The following CDCA2 variants were observed in gnomAD, a reference collection of about 807,000 sequenced individuals.
The protein encoded by CDCA2 is cell division cycle-associated protein 2.
Under a neutral mutation model 67.0 loss-of-function variants are expected in CDCA2, and 44 were observed. That is an observed-to-expected ratio of 0.66 (90% CI 0.52 to 0.84). The LOEUF (loss-of-function observed/expected upper bound fraction) is 0.84, where lower values mean the gene tolerates loss of function less well. Among genes scored for constraint, CDCA2 ranks in the 40% least tolerant of loss-of-function variants. The pLI is 0.00. For synonymous variants in CDCA2, 447 were observed against 418.7 expected, an observed-to-expected ratio of 1.07 and a Z score of -0.82; for missense variants, 1,253 against 1,203.2, an observed-to-expected ratio of 1.04 and a Z score of -0.61.
intron 10 of CDCA2, among the ~76,000 whole-genome samples, chr8:25,484,523 A>T (rs971604642): frequency 6.6e-6 from 1 of 152,050 alleles, no homozygotes; most frequent in African/African-American, 2.4e-5. Context: ...CATTATCCCT[A>T]TATCAACTTA....
intron 7 of CDCA2, among the ~76,000 whole-genome samples, chr8:25,473,986 A>G (rs766097069): frequency 1.3e-4 from 20 of 152,230 alleles, no homozygotes; most frequent in Admixed American, 5.9e-4. Flanking sequence ...GTTTCTGGGC[A>G]GAGGGCCAAA....
At chr8:25,471,393 C>T (rs943445203) in intron 7 of CDCA2, among the ~76,000 whole-genome samples, 7 of 140,654 alleles carry the variant, frequency 5.0e-5, no homozygotes, top group Non-Finnish European at 6.3e-5. Context: ...GACAGAGTCT[C>T]GCTCTGTTGA....
intron 13 of CDCA2, among the ~76,000 whole-genome samples, chr8:25,495,571 C>G (rs762877818): frequency 6.6e-6 from 1 of 152,084 alleles, no homozygotes; most frequent in Non-Finnish European, 1.5e-5. Flanking sequence ...CCTGCCACCA[C>G]GCCCGGCTAA....
chr8:25,469,957 C>T lies in CDCA2; in HGVS notation c.797C>T (p.Ser266Leu), dbSNP rs904669969. 3.7e-6 allele frequency: 6 copies of T among 1,609,314 alleles called. No homozygotes were observed. Among genetic ancestry groups the T allele is most frequent in the Non-Finnish European group, 5.1e-6 (6 of 1,176,440 alleles). Reference sequence around the variant, plus strand: ...TTAGTTGAAGAGTCTCTTCCCCTTTCAGAGCTCACAGAGACTTCAAATGGT... The same window carrying T: ...TTAGTTGAAGAGTCTCTTCCCCTTTTAGAGCTCACAGAGACTTCAAATGGT... ...GFLVEESLPL[S>L]ELTETSNALK... is the part of the protein sequence containing the mutation. Residue 266 changes from serine to leucine, a missense_variant, in exon 7 of 15, where the codon TCA becomes TTA. Physicochemically the swap from Ser to Leu is moderately radical, Grantham distance 145. Coordinates refer to ENST00000330560, the MANE Select transcript of CDCA2 (RefSeq NM_152562.4).
intron 14 of CDCA2, 65 bp downstream of exon 14, chr8:25,503,609 TACTTTTTTC>T (rs1462314303): frequency 6.7e-7 from 1 of 1,501,202 alleles, no homozygotes; most frequent in Non-Finnish European, 9.0e-7. Flanking sequence ...GTTGCTATTT[TACTTTTTTC>T]ACTTTTTTCC....
At chr8:25,494,552 A>G (rs1193800332) in intron 13 of CDCA2, among the ~76,000 whole-genome samples, 1 of 152,118 alleles carries the variant, frequency 6.6e-6, no homozygotes, top group Non-Finnish European at 1.5e-5. Flanking sequence ...GTATCTGCAG[A>G]TTTTTGGTAT....
intron 4 of CDCA2, among the ~76,000 whole-genome samples, chr8:25,465,076 C>T (rs1486610710): frequency 2.0e-5 from 3 of 152,248 alleles, no homozygotes; most frequent in African/African-American, 4.8e-5. Context: ...CAGGTTCAAG[C>T]GATTCTCCCA....
At position 25,481,734 on chromosome 8, in the gene CDCA2, C is replaced by T. The variant is rs568911621; in HGVS notation, c.1032+1610C>T. On this transcript the variant is annotated intron_variant, in intron 8 of 14. Coordinates refer to ENST00000330560, the MANE Select transcript of CDCA2 (RefSeq NM_152562.4). The stretch of plus-strand genomic sequence containing the variant: ...ACATTTACAACTAATGATCTTTATA[C>T]TAAGATGGCAAAAATTAGGAGGCAT... Among the ~76,000 whole-genome samples the T allele has an allele frequency of 7.2e-5, 11 of 152,210 alleles. No homozygotes were observed. In the South Asian group the frequency reaches 2.3e-3, roughly 32 times the overall value.
chr8:25,506,827 C>T lies in CDCA2; in HGVS notation c.2161C>T (p.Arg721Cys), dbSNP rs73550864. 3.7e-4 allele frequency: 598 copies of T among 1,613,986 alleles called. 2 individuals carry two copies. The highest frequency in any genetic ancestry group is 3.3e-3 in the Middle Eastern group (20 of 6,062). ...TTCTTGTGCTTCTGTAACTGAAGAA[C>T]GTGTGGCATCAGATAGTCCCAAACC... ...PVSCASVTEE[R>C]VASDSPKPAL... Residue 721 changes from arginine (R) to cysteine (C), a missense_variant, in exon 15 of 15, where the codon CGT (arginine) becomes TGT (cysteine). Coordinates refer to ENST00000330560, the MANE Select transcript of CDCA2 (RefSeq NM_152562.4).
chr8:25,493,463 G>A (rs6998918), intron 13 of CDCA2, among the ~76,000 whole-genome samples: 87,627 of 151,936 alleles, frequency 0.58, 26,570 homozygotes, highest in Middle Eastern at 0.66. Flanking sequence ...GCATGCGTAA[G>A]GAAAAAAATC....
At chr8:25,471,786 C>T (rs1803163736) in intron 7 of CDCA2, among the ~76,000 whole-genome samples, 1 of 152,186 alleles carries the variant, frequency 6.6e-6, no homozygotes. Flanking sequence ...AAACACCTCA[C>T]TCTACAATGT....
At chr8:25,478,982 A>C (rs1198465018) in intron 7 of CDCA2, among the ~76,000 whole-genome samples, 1 of 151,578 alleles carries the variant, frequency 6.6e-6, no homozygotes, top group Non-Finnish European at 1.5e-5. Flanking sequence ...GAAATCCAGT[A>C]TTCCCTTCAC....
chr8:25,475,441 C>A (rs999579631), intron 7 of CDCA2, among the ~76,000 whole-genome samples: 1 of 152,156 alleles, frequency 6.6e-6, no homozygotes, highest in African/African-American at 2.4e-5. Context: ...ATTGCTTGAA[C>A]CCAGGAGGCG....
chr8:25,498,411 T>C (rs1352551961), intron 13 of CDCA2, among the ~76,000 whole-genome samples: 2 of 148,626 alleles, frequency 1.3e-5, no homozygotes, highest in Non-Finnish European at 3.0e-5. Flanking sequence ...TTTCACTATG[T>C]TGGCCTGGCT....
Position 25,469,935 on chromosome 8 carries a change from G to A in CDCA2, c.775G>A (p.Val259Ile). Residue 259 changes from valine (V) to isoleucine (I), a missense_variant, in exon 7 of 15, where the codon GTT becomes ATT. By Grantham distance (29) the Val-to-Ile change is conservative. Transcript: ENST00000330560. ...KLGSTQSGFL[V>I]EESLPLSELT... is the part of the protein sequence containing the mutation. ...TGGTTCAACACAGTCTGGATTTTTA[G>A]TTGAAGAGTCTCTTCCCCTTTCAGA... is the stretch of plus-strand genomic sequence containing the variant. 1.2e-6 allele frequency: 2 copies of A among 1,611,926 alleles called. No individual in the cohort carries two copies. Among genetic ancestry groups the A allele is most frequent in the Non-Finnish European group, 1.7e-6 (2 of 1,178,824 alleles).
At chr8:25,461,216 G>C (rs537082727) in intron 3 of CDCA2, among the ~76,000 whole-genome samples, 2 of 134,384 alleles carry the variant, frequency 1.5e-5, no homozygotes, top group African/African-American at 5.8e-5. Context: ...ACCGTGAGTC[G>C]AAATCGCACC....
At chr8:25,491,945 G>A (rs1490589679) in intron 13 of CDCA2, among the ~76,000 whole-genome samples, 3 of 152,078 alleles carry the variant, frequency 2.0e-5, no homozygotes, top group South Asian at 2.1e-4. Context: ...CTACAGGAAC[G>A]CACCACCATG....
intron 14 of CDCA2, among the ~76,000 whole-genome samples, chr8:25,505,057 C>T (rs1056285517): frequency 6.6e-5 from 10 of 152,150 alleles, no homozygotes; most frequent in African/African-American, 2.4e-4. Flanking sequence ...AGTGGTATCA[C>T]CTGCTACATG....
chr8:25,494,981 T>C (rs1194392249), intron 13 of CDCA2, among the ~76,000 whole-genome samples: 2 of 152,184 alleles, frequency 1.3e-5, no homozygotes, highest in African/African-American at 2.4e-5. Flanking sequence ...ACCCTGATCT[T>C]GCACTGCTAG....
Sources: gnomAD v4.1 joint callset for allele counts (sites outside exome capture counted in the v4.1 genomes callset) on GRCh38, gnomAD v4.1.1 for gene constraint, MANE v1.5 for transcripts, NCBI Gene and HGNC (gene_info 2026-07-23, HGNC 2026-07-21) for gene names.